Variants in WDR72 observed in about 807,000 individuals in gnomAD.
WDR72 encodes the protein WD repeat domain 72, also known as WD repeat-containing protein 72.
In WDR72, 120 loss-of-function variants were observed where a neutral mutation model predicts 124.2. The ratio of observed to expected loss-of-function variants is 0.97; its 90% CI spans 0.83 to 1.12. The LOEUF is 1.12. WDR72 is among the 50% of genes most tolerant of loss of function. WDR72 has a pLI of 0.00. For synonymous variants in WDR72, 452 were observed against 441.7 expected (o/e 1.02, Z -0.29); for missense variants, 1,387 against 1,278.8 (o/e 1.08, Z -1.29).
At chr15:53,603,465 C>A (rs1456465963) in intron 17 of WDR72, among the ~76,000 whole-genome samples, 2 of 152,022 alleles carry the variant, frequency 1.3e-5, no homozygotes, top group Non-Finnish European at 2.9e-5. Flanking sequence ...CTATTCAACA[C>A]AGTATTGGAA....
intron 14 of WDR72, among the ~76,000 whole-genome samples, chr15:53,656,907 G>T (rs1279007175): frequency 6.6e-6 from 1 of 151,986 alleles, no homozygotes; most frequent in Non-Finnish European, 1.5e-5. Flanking sequence ...GTGGGATAGG[G>T]TCATCTTTTG....
chr15:53,526,273 G>A (rs961594493), intron 18 of WDR72, among the ~76,000 whole-genome samples: 6 of 152,032 alleles, frequency 3.9e-5, no homozygotes, highest in African/African-American at 1.4e-4. Context: ...TAGTAGTGCA[G>A]AGGAGAATTC....
intron 18 of WDR72, among the ~76,000 whole-genome samples, chr15:53,563,615 G>A (rs1894198458): frequency 1.3e-5 from 2 of 151,724 alleles, no homozygotes; most frequent in Admixed American, 1.3e-4. Context: ...GGTTTGAGGT[G>A]AAGCTGTTTG....
intron 13 of WDR72, among the ~76,000 whole-genome samples, chr15:53,683,801 T>G (rs533436039): frequency 3.9e-5 from 6 of 152,192 alleles, no homozygotes; most frequent in African/African-American, 1.4e-4. Flanking sequence ...TTTTAAAAAG[T>G]ATACGGATGG....
intron 18 of WDR72, among the ~76,000 whole-genome samples, chr15:53,565,502 C>G (rs1221664056): frequency 6.6e-6 from 1 of 151,938 alleles, no homozygotes; most frequent in Non-Finnish European, 1.5e-5. Context: ...CTCCACACTC[C>G]TGTTCCAGTA....
At chr15:53,549,345 G>A (rs1019133062) in intron 18 of WDR72, among the ~76,000 whole-genome samples, 2 of 152,144 alleles carry the variant, frequency 1.3e-5, no homozygotes, top group Non-Finnish European at 2.9e-5. Context: ...TTTCTTGAGA[G>A]AACTAGAGTG....
At chr15:53,639,006 C>T (rs1263695558) in intron 14 of WDR72, among the ~76,000 whole-genome samples, 2 of 151,814 alleles carry the variant, frequency 1.3e-5, no homozygotes, top group Non-Finnish European at 2.9e-5. Context: ...AAAAAAGAAC[C>T]ATGGTCACTG....
At chr15:53,672,559 T>C (rs1477547136) in intron 13 of WDR72, among the ~76,000 whole-genome samples, 1 of 152,144 alleles carries the variant, frequency 6.6e-6, no homozygotes, top group Non-Finnish European at 1.5e-5. Flanking sequence ...GGTTATGAGA[T>C]CTGATCTTGC....
chr15:53,732,882 A>T, intron 2 of WDR72, 115 bp downstream of exon 2: 2 of 1,267,174 alleles, frequency 1.6e-6, no homozygotes, highest in South Asian at 1.2e-5. Context: ...TTATTACTTT[A>T]ATAAACATCT....
chr15:53,604,872 G>A (rs1208918612), intron 17 of WDR72, among the ~76,000 whole-genome samples: 5 of 152,060 alleles, frequency 3.3e-5, no homozygotes, highest in Admixed American at 6.5e-5. Flanking sequence ...GAAAAGGAAC[G>A]CTTATACATT....
At chr15:53,531,700 T>C (rs961120978) in intron 18 of WDR72, among the ~76,000 whole-genome samples, 2 of 152,032 alleles carry the variant, frequency 1.3e-5, no homozygotes, top group Non-Finnish European at 2.9e-5. Context: ...CTAGTAAATA[T>C]AATCTAATGA....
chr15:53,540,571 G>GGAAAGA (rs1555405784), intron 18 of WDR72, among the ~76,000 whole-genome samples: 1 of 135,126 alleles, frequency 7.4e-6, no homozygotes, highest in African/African-American at 2.9e-5. Flanking sequence ...AAGGAAGAAA[G>GGAAAGA]AAAAAAAAAA....
chr15:53,741,155 T>G (rs909793335), intron 1 of WDR72, among the ~76,000 whole-genome samples: 1 of 152,224 alleles, frequency 6.6e-6, no homozygotes, highest in African/African-American at 2.4e-5. Context: ...TCACAGGATA[T>G]AGTTCTAAAG....
At chr15:53,603,861 T>C (rs915087191) in intron 17 of WDR72, among the ~76,000 whole-genome samples, 10 of 152,310 alleles carry the variant, frequency 6.6e-5, no homozygotes, top group African/African-American at 1.4e-4. Flanking sequence ...AAACATTCCA[T>C]GTTCATGAAT....
At chr15:53,632,144 T>TG (rs1335360838) in intron 14 of WDR72, among the ~76,000 whole-genome samples, 2 of 151,988 alleles carry the variant, frequency 1.3e-5, no homozygotes, top group Non-Finnish European at 2.9e-5. Context: ...CCCAGATGCC[T>TG]GTAAGGACTA....
At chr15:53,743,514 G>C (rs921794600) in intron 1 of WDR72, among the ~76,000 whole-genome samples, 1 of 152,096 alleles carries the variant, frequency 6.6e-6, no homozygotes, top group African/African-American at 2.4e-5. Context: ...CTAAATAAGA[G>C]ATGTTTCAAA....
chr15:53,700,435 C>A (rs780830636), intron 12 of WDR72, among the ~76,000 whole-genome samples: 3 of 152,114 alleles, frequency 2.0e-5, no homozygotes, highest in Non-Finnish European at 4.4e-5. Context: ...TCAGTGTAGA[C>A]ACAGTCTAAA....
intron 3 of WDR72, among the ~76,000 whole-genome samples, chr15:53,718,497 A>G (rs114222005): frequency 0.019 from 2,925 of 152,220 alleles, 96 homozygotes; most frequent in African/African-American, 0.067. Flanking sequence ...CTGAAAATAA[A>G]ATGAAAATAT....
intron 18 of WDR72, among the ~76,000 whole-genome samples, chr15:53,582,124 C>A (rs2011960475): frequency 6.6e-6 from 1 of 151,856 alleles, no homozygotes; most frequent in Non-Finnish European, 1.5e-5. Context: ...ATTAGTCACT[C>A]CTGTATTGCA....
Sources: allele counts gnomAD v4.1 joint callset (sites outside exome capture counted in the v4.1 genomes callset), GRCh38; gene constraint gnomAD v4.1.1; transcripts MANE v1.5; gene names NCBI Gene and HGNC (gene_info 2026-07-23, HGNC 2026-07-21).